NPSR1: variants seen among roughly 807,000 people sequenced by gnomAD.
The protein encoded by NPSR1 is neuropeptide S receptor.
In NPSR1, 48 loss-of-function variants were observed where a neutral mutation model predicts 46.9. The ratio of observed to expected loss-of-function variants is 1.02; its 90% CI spans 0.81 to 1.30. The LOEUF (loss-of-function observed/expected upper bound fraction) is 1.30, where lower values mean the gene tolerates loss of function less well. NPSR1 is among the 50% of genes most tolerant of loss of function. The pLI is 0.00. For synonymous variants in NPSR1, 176 were observed against 168.1 expected (o/e 1.05, Z -0.36); for missense variants, 450 against 449.5 (o/e 1.00, Z -0.01).
chr7:34,819,219 C>T (rs1562753141), intron 4 of NPSR1, among the ~76,000 whole-genome samples: 1 of 151,840 alleles, frequency 6.6e-6, no homozygotes, highest in Non-Finnish European at 1.5e-5. Flanking sequence ...AACAAATTTA[C>T]AAGAGAAAAA....
intron 6 of NPSR1, among the ~76,000 whole-genome samples, chr7:34,834,887 T>C (rs913263526): frequency 2.0e-5 from 3 of 152,240 alleles, no homozygotes; most frequent in South Asian, 2.1e-4. Flanking sequence ...CATCTGTCCA[T>C]AGAACAATCT....
intron 8 of NPSR1, among the ~76,000 whole-genome samples, chr7:34,873,804 G>A (rs977066042): frequency 2.0e-5 from 3 of 151,586 alleles, no homozygotes; most frequent in Non-Finnish European, 2.9e-5. Flanking sequence ...TGGACTAGGT[G>A]GGGCAAGCCA....
intron 3 of NPSR1, among the ~76,000 whole-genome samples, chr7:34,784,843 A>G (rs1787388324): frequency 6.6e-6 from 1 of 152,134 alleles, no homozygotes; most frequent in Admixed American, 6.6e-5. Flanking sequence ...ACCATCTCAC[A>G]CCAGTTAGAA....
chr7:34,731,455 A>AT (rs1784413344), intron 2 of NPSR1, among the ~76,000 whole-genome samples: 1 of 152,204 alleles, frequency 6.6e-6, no homozygotes, highest in Non-Finnish European at 1.5e-5. Flanking sequence ...ATTTTTATTA[A>AT]ATAAACCTAA....
At chr7:34,797,524 T>C (rs1426420060) in intron 3 of NPSR1, among the ~76,000 whole-genome samples, 2 of 152,214 alleles carry the variant, frequency 1.3e-5, no homozygotes, top group South Asian at 4.1e-4. Context: ...TGTAATAGAA[T>C]TCCCAAGAAC....
At chr7:34,695,104 G>C (rs1382622082) in intron 2 of NPSR1, among the ~76,000 whole-genome samples, 1 of 152,042 alleles carries the variant, frequency 6.6e-6, no homozygotes, top group Non-Finnish European at 1.5e-5. Context: ...GCATGATACT[G>C]GTACAAAAAT....
chr7:34,788,178 GAGTTA>G (rs74656534), intron 3 of NPSR1, among the ~76,000 whole-genome samples: 18,874 of 151,930 alleles, frequency 0.12, 1,446 homozygotes, highest in Non-Finnish European at 0.17. Flanking sequence ...TGTGTAATCA[GAGTTA>G]AGTTATCATT....
chr7:34,855,886 T>A (rs1211188043), intron 8 of NPSR1, among the ~76,000 whole-genome samples: 1 of 152,148 alleles, frequency 6.6e-6, no homozygotes, highest in East Asian at 1.9e-4. Context: ...CTCGTTACAT[T>A]AATAGATTAC....
At chr7:34,674,246 C>A (rs1054547471) in intron 1 of NPSR1, among the ~76,000 whole-genome samples, 20 of 152,110 alleles carry the variant, frequency 1.3e-4, no homozygotes, top group Non-Finnish European at 1.6e-4. Context: ...CAGCTACTGC[C>A]CAGGGGTCAC....
intron 6 of NPSR1, among the ~76,000 whole-genome samples, chr7:34,840,391 G>A (rs770987127): frequency 7.2e-5 from 11 of 152,150 alleles, no homozygotes; most frequent in Admixed American, 1.3e-4. Context: ...ATCTAGGGAG[G>A]AAAACGCTGT....
intron 3 of NPSR1, among the ~76,000 whole-genome samples, chr7:34,785,307 C>G (rs1388342520): frequency 2.8e-5 from 4 of 144,872 alleles, no homozygotes; most frequent in African/African-American, 1.0e-4. Flanking sequence ...CGCATGTTAT[C>G]ACACTTAGAT....
At chr7:34,746,314 G>C (rs965920286) in intron 2 of NPSR1, among the ~76,000 whole-genome samples, 48 of 152,274 alleles carry the variant, frequency 3.2e-4, no homozygotes, top group Admixed American at 3.1e-3. Flanking sequence ...TAGTGCAATA[G>C]AGTAAGATAT....
intron 2 of NPSR1, among the ~76,000 whole-genome samples, chr7:34,700,453 G>C (rs947311473): frequency 6.6e-6 from 1 of 152,134 alleles, no homozygotes; most frequent in Non-Finnish European, 1.5e-5. Context: ...TCCTCACACA[G>C]GGATTTAAGC....
intron 3 of NPSR1, among the ~76,000 whole-genome samples, chr7:34,795,235 A>G (rs189341811): frequency 1.3e-5 from 2 of 152,330 alleles, no homozygotes; most frequent in East Asian, 1.9e-4. Flanking sequence ...TTCAAAAAAA[A>G]TTCAGTAAAC....
At chr7:34,726,891 G>A (rs777173590) in intron 2 of NPSR1, among the ~76,000 whole-genome samples, 1 of 151,934 alleles carries the variant, frequency 6.6e-6, no homozygotes, top group Non-Finnish European at 1.5e-5. Context: ...GAGCATGGAG[G>A]ATTTTTAGGG....
intron 3 of NPSR1, among the ~76,000 whole-genome samples, chr7:34,786,939 C>T (rs945149013): frequency 6.6e-6 from 1 of 152,108 alleles, no homozygotes; most frequent in Non-Finnish European, 1.5e-5. Context: ...GTTAAGGGCC[C>T]TAGGATCTTT....
intron 2 of NPSR1, among the ~76,000 whole-genome samples, chr7:34,749,984 G>T (rs1785431030): frequency 6.7e-6 from 1 of 149,370 alleles, no homozygotes. Context: ...GAGGAAGAGA[G>T]TTTTTTTTTT....
chr7:34,827,897 C>T (rs895184744), intron 5 of NPSR1, among the ~76,000 whole-genome samples: 1 of 152,146 alleles, frequency 6.6e-6, no homozygotes, highest in African/African-American at 2.4e-5. Context: ...TCCATTGCCC[C>T]AATTTAATGA....
chr7:34,771,314 G>A (rs1048144164), intron 2 of NPSR1, among the ~76,000 whole-genome samples: 6 of 152,084 alleles, frequency 3.9e-5, no homozygotes, highest in Non-Finnish European at 7.4e-5. Context: ...GTGGTGTCAC[G>A]TACTGTTCCC....
Sources: allele counts gnomAD v4.1 joint callset (sites outside exome capture counted in the v4.1 genomes callset), GRCh38; gene constraint gnomAD v4.1.1; transcripts MANE v1.5; gene names NCBI Gene and HGNC (gene_info 2026-07-23, HGNC 2026-07-21).